The following COL22A1 variants were observed in gnomAD, a reference collection of about 807,000 sequenced individuals.
The protein encoded by COL22A1 is collagen type XXII alpha 1 chain.
COL22A1 carries 221 observed loss-of-function variants against 248.9 expected under a neutral mutation model. The ratio of observed to expected loss-of-function variants is 0.89; its 90% CI spans 0.80 to 0.99. The LOEUF (loss-of-function observed/expected upper bound fraction) is 0.99, where lower values mean the gene tolerates loss of function less well. COL22A1 is among the 50% of genes least tolerant of loss of function. The pLI, the probability that COL22A1 is intolerant of heterozygous loss-of-function variation, is 0.00. For synonymous variants in COL22A1, 891 were observed against 793.4 expected (o/e 1.12, Z -2.07); for missense variants, 2,240 against 2,179.0 (o/e 1.03, Z -0.56).
intron 3 of COL22A1, among the ~76,000 whole-genome samples, chr8:138,854,253 G>A (rs1821849971): frequency 1.3e-5 from 2 of 152,128 alleles, no homozygotes; most frequent in Non-Finnish European, 2.9e-5. Context: ...ACACATCCTG[G>A]GTGTCCACCA....
chr8:138,751,305 T>A (rs915343889), intron 22 of COL22A1, among the ~76,000 whole-genome samples, 153 bp downstream of exon 22: 3 of 152,190 alleles, frequency 2.0e-5, no homozygotes, highest in African/African-American at 4.8e-5. Flanking sequence ...ACCTCAACCA[T>A]GTTTGATGAA....
Position 138,684,410 on chromosome 8 carries a change from T to C in COL22A1, c.3012+15A>G, listed in dbSNP as rs761874045. ...CAACTCGTGGCACCCACAGTTTTCT[T>C]GGACAAGCACTCACCTTGGTTCCTA... is the stretch of plus-strand genomic sequence containing the variant. On this transcript the variant is annotated intron_variant, in intron 39 of 64. Transcript: ENST00000303045. 1 of 1,598,716 alleles carries C rather than the reference T, an allele frequency of 6.3e-7. No homozygotes were observed. Among genetic ancestry groups the C allele is most frequent in the Admixed American group, 1.7e-5 (1 of 59,990 alleles).
At chr8:138,813,846 T>A (rs1235510080) in intron 7 of COL22A1, among the ~76,000 whole-genome samples, 1 of 152,228 alleles carries the variant, frequency 6.6e-6, no homozygotes, top group African/African-American at 2.4e-5. Flanking sequence ...TCCTTAATGA[T>A]GCTATTGCAA....
intron 7 of COL22A1, among the ~76,000 whole-genome samples, chr8:138,814,606 C>T (rs1182276004): frequency 6.6e-6 from 1 of 152,124 alleles, no homozygotes; most frequent in Admixed American, 6.5e-5. Context: ...TCCAACAGCT[C>T]CTAGTGAGAT....
intron 35 of COL22A1, among the ~76,000 whole-genome samples, chr8:138,691,642 CG>C (rs1350755848): frequency 2.8e-5 from 4 of 140,648 alleles, no homozygotes; most frequent in African/African-American, 5.5e-5. Context: ...TATGTGTGCA[CG>C]TGCGTGTATG....
At chr8:138,710,226 C>T (rs770048724) in intron 30 of COL22A1, among the ~76,000 whole-genome samples, 28 of 152,238 alleles carry the variant, frequency 1.8e-4, no homozygotes, top group South Asian at 8.3e-4. Context: ...GAGGAAAGGA[C>T]GTCACTGAGC....
chr8:138,708,897 G>A (rs947065297), intron 30 of COL22A1, among the ~76,000 whole-genome samples: 2 of 151,830 alleles, frequency 1.3e-5, no homozygotes, highest in Admixed American at 1.3e-4. Flanking sequence ...ATCTGACAAA[G>A]GGCTAATATC....
At chr8:138,715,262 A>T (rs755435944) in intron 30 of COL22A1, among the ~76,000 whole-genome samples, 1 of 152,184 alleles carries the variant, frequency 6.6e-6, no homozygotes, top group Non-Finnish European at 1.5e-5. Context: ...GCGGAAATGT[A>T]AAGATTCAGT....
Position 138,606,406 on chromosome 8 carries a change from C to T in COL22A1, c.4079G>A (p.Gly1360Asp). The T allele has an allele frequency of 1.9e-6, 3 of 1,613,390 alleles. No individual in the cohort carries two copies. The highest frequency in any genetic ancestry group is 2.5e-6 in the Non-Finnish European group (3 of 1,179,818). Residue 1360 changes from glycine (G) to aspartate (D), a missense_variant, in exon 58 of 65, where the codon GGC becomes GAC. By Grantham distance (94) the Gly-to-Asp change is moderately conservative (BLOSUM62 -1). Coordinates refer to ENST00000303045, the MANE Select transcript of COL22A1 (RefSeq NM_152888.3). ...KGENGSPGLP[G>D]FLGPRGPPGE... ...CGGAGGCCCACGGGGACCCAGGAAG[C>T]CAGGAAGTCCTGGGCTGCCATTTTC...
At chr8:138,812,187 C>T (rs1413248609) in intron 8 of COL22A1, among the ~76,000 whole-genome samples, 2 of 152,344 alleles carry the variant, frequency 1.3e-5, no homozygotes, top group East Asian at 3.9e-4. Flanking sequence ...ATTCTCACCT[C>T]CTCCTTTTCC....
intron 12 of COL22A1, among the ~76,000 whole-genome samples, chr8:138,781,889 T>C (rs1586731726): frequency 6.6e-6 from 1 of 152,174 alleles, no homozygotes; most frequent in African/African-American, 2.4e-5. Context: ...GGGTATTCAA[T>C]GAACAAATGA....
intron 9 of COL22A1, among the ~76,000 whole-genome samples, chr8:138,808,203 C>T (rs1314647870): frequency 1.3e-5 from 2 of 152,194 alleles, no homozygotes; most frequent in Non-Finnish European, 2.9e-5. Context: ...TCAAAGACTA[C>T]ATGCCTCAGA....
At chr8:138,755,736 C>A in intron 19 of COL22A1, 49 bp downstream of exon 19, 1 of 1,594,188 alleles carries the variant, frequency 6.3e-7, no homozygotes, top group Non-Finnish European at 8.6e-7. Flanking sequence ...ATCCAACCAC[C>A]CAATCCCACC....
Position 138,811,911 on chromosome 8 carries a change from G to T in COL22A1, c.1337C>A (p.Thr446Asn). ...TGGAGGTGGAGGCTCTGTCACCACG[G>T]TCACCTGGCACTGGAAGGAAAGCCC... The part of the protein sequence containing the change: ...CDIPSGPCQV[T>N]VVTEPPPPPP... The change falls in exon 9 of 65, where the codon ACC becomes AAC. Residue 446 changes from threonine (T) to asparagine (N), a missense_variant. Thr to Asn is a moderately conservative substitution (Grantham distance 65). Coordinates refer to ENST00000303045, the MANE Select transcript of COL22A1 (RefSeq NM_152888.3). 6.4e-7 allele frequency: 1 copy of T among 1,553,476 alleles called. No homozygotes were observed. The highest frequency in any genetic ancestry group is 8.7e-7 in the Non-Finnish European group (1 of 1,149,600).
In COL22A1 at chr8:138,679,549, T is replaced by C. The variant is rs551410563; in HGVS notation, c.3072+68A>G. On this transcript the variant is annotated intron_variant, in intron 40 of 64. Transcript: ENST00000303045. ...AGACTCAGTCCCATTATTTTGTTGT[T>C]ATAAAGCTGCCTCTGCCTGTCTTGT... 47 of 1,366,792 alleles carry C rather than the reference T, an allele frequency of 3.4e-5. No individual in the cohort carries two copies. In the African/African-American group the frequency reaches 3.8e-4, roughly 11 times the overall value. 84.7% of individuals were successfully genotyped at this position (1,366,792 alleles called of 1,614,324 possible).
chr8:138,719,929 C>T (rs139767469), intron 27 of COL22A1, among the ~76,000 whole-genome samples: 58 of 152,306 alleles, frequency 3.8e-4, no homozygotes, highest in South Asian at 1.2e-3. Context: ...CAGAACTCCC[C>T]GCAATCTCCT....
intron 47 of COL22A1, among the ~76,000 whole-genome samples, chr8:138,638,050 A>G (rs748061700): frequency 6.6e-6 from 1 of 151,932 alleles, no homozygotes; most frequent in Non-Finnish European, 1.5e-5. Flanking sequence ...CATCATCATC[A>G]TTGTCATCAT....
chr8:138,805,804 CTGTA>C (rs1446109422), intron 10 of COL22A1, among the ~76,000 whole-genome samples: 7 of 54,926 alleles, frequency 1.3e-4, no homozygotes, highest in African/African-American at 5.4e-4. Context: ...TGGTGTGTGT[CTGTA>C]TGTGTGATGG....
chr8:138,811,477 C>A (rs1175997844), intron 9 of COL22A1, among the ~76,000 whole-genome samples: 1 of 152,266 alleles, frequency 6.6e-6, no homozygotes, highest in South Asian at 2.1e-4. Flanking sequence ...TCCTCACTCA[C>A]TGTCTTCTTC....
Sources: gnomAD v4.1 joint callset for allele counts (sites outside exome capture counted in the v4.1 genomes callset) on GRCh38, gnomAD v4.1.1 for gene constraint, MANE v1.5 for transcripts, NCBI Gene and HGNC (gene_info 2026-07-23, HGNC 2026-07-21) for gene names.